REDIC1: variants seen among roughly 807,000 people sequenced by gnomAD.
The protein encoded by REDIC1 is regulator of DNA class I crossover intermediates 1.
the REDIC1 span, among the ~76,000 whole-genome samples, chr12:39,753,311 A>G: frequency 6.6e-6 from 1 of 152,132 alleles, no homozygotes; most frequent in Non-Finnish European, 1.5e-5. Context: ...GGTTAATGTC[A>G]CGGTTTTTGT....
chr12:39,640,480 A>T, the REDIC1 span, among the ~76,000 whole-genome samples: 1 of 151,930 alleles, frequency 6.6e-6, no homozygotes, highest in Non-Finnish European at 1.5e-5. Flanking sequence ...CATATGGCTG[A>T]TATATTAACG....
chr12:39,732,288 TGTG>T, the REDIC1 span, among the ~76,000 whole-genome samples: 2 of 152,230 alleles, frequency 1.3e-5, no homozygotes, highest in Non-Finnish European at 2.9e-5. Flanking sequence ...ATTGCATTCT[TGTG>T]GTGAAATTCA....
chr12:39,745,804 G>C, the REDIC1 span: 1 of 152,114 alleles, frequency 6.6e-6, no homozygotes, highest in South Asian at 2.1e-4. Flanking sequence ...AAGCTTTTTT[G>C]CTGTTGTTAA....
the REDIC1 span, among the ~76,000 whole-genome samples, chr12:39,707,635 A>T: frequency 6.6e-6 from 1 of 151,964 alleles, no homozygotes; most frequent in Admixed American, 6.6e-5. Context: ...TGAATCACTA[A>T]ACAAAATGTG....
chr12:39,670,253 G>T, the REDIC1 span, among the ~76,000 whole-genome samples: 1 of 152,062 alleles, frequency 6.6e-6, no homozygotes, highest in Non-Finnish European at 1.5e-5. Context: ...TGTAATGGTG[G>T]CATCTCAGCT....
the REDIC1 span, among the ~76,000 whole-genome samples, chr12:39,832,059 A>G: frequency 6.6e-6 from 1 of 152,064 alleles, no homozygotes; most frequent in African/African-American, 2.4e-5. Context: ...CCTATTTTTG[A>G]ATGACACTTC....
chr12:39,778,451 G>C, the REDIC1 span, among the ~76,000 whole-genome samples: 8 of 151,410 alleles, frequency 5.3e-5, no homozygotes, highest in African/African-American at 1.7e-4. Context: ...TATATCACAG[G>C]GACGAAGTTA....
the REDIC1 span, among the ~76,000 whole-genome samples, chr12:39,852,698 G>A: frequency 3.3e-5 from 5 of 152,206 alleles, no homozygotes; most frequent in African/African-American, 1.2e-4. Flanking sequence ...AAAAGGATCA[G>A]AGGCTACTCC....
At chr12:39,858,501 T>TTA in the REDIC1 span, among the ~76,000 whole-genome samples, 15 of 152,210 alleles carry the variant, frequency 9.9e-5, no homozygotes, top group Non-Finnish European at 1.9e-4. Context: ...CAGCATAATA[T>TTA]TATATTCACT....
At chr12:39,848,403 G>A in the REDIC1 span, among the ~76,000 whole-genome samples, 1 of 152,102 alleles carries the variant, frequency 6.6e-6, no homozygotes, top group Non-Finnish European at 1.5e-5. Context: ...CATACGTGCA[G>A]CCAAGGAGCA....
chr12:39,733,745 C>T, the REDIC1 span, among the ~76,000 whole-genome samples: 1 of 152,194 alleles, frequency 6.6e-6, no homozygotes, highest in South Asian at 2.1e-4. Context: ...TGGAGGACGC[C>T]TCTGCCACCA....
At chr12:39,847,716 C>A in the REDIC1 span, among the ~76,000 whole-genome samples, 2 of 152,026 alleles carry the variant, frequency 1.3e-5, no homozygotes, top group African/African-American at 2.4e-5. Flanking sequence ...GAGAGAAAGA[C>A]TTCTTCCTTG....
At chr12:39,810,739 T>C in the REDIC1 span, among the ~76,000 whole-genome samples, 1 of 152,250 alleles carries the variant, frequency 6.6e-6, no homozygotes, top group African/African-American at 2.4e-5. Context: ...ATCATATGAT[T>C]TTTCTCTTTT....
the REDIC1 span, among the ~76,000 whole-genome samples, chr12:39,710,010 G>A: frequency 6.6e-6 from 1 of 151,364 alleles, no homozygotes. Flanking sequence ...TTCTGACAGT[G>A]GTCACCCTAA....
chr12:39,655,970 C>G, the REDIC1 span, among the ~76,000 whole-genome samples: 1 of 152,006 alleles, frequency 6.6e-6, no homozygotes, highest in African/African-American at 2.4e-5. Flanking sequence ...AGGTCCTGCC[C>G]CACATCAGGT....
the REDIC1 span, chr12:39,682,559 A>T: frequency 7.3e-7 from 1 of 1,363,990 alleles, no homozygotes; most frequent in Non-Finnish European, 9.8e-7. Context: ...GAGTTTCTAA[A>T]TGCAAATAAT....
At chr12:39,673,453 G>A in the REDIC1 span, among the ~76,000 whole-genome samples, 28 of 152,234 alleles carry the variant, frequency 1.8e-4, no homozygotes, top group African/African-American at 5.8e-4. Context: ...TTTTGTGCTC[G>A]GAACATTTAT....
chr12:39,659,845 C>T, the REDIC1 span, among the ~76,000 whole-genome samples: 7 of 151,866 alleles, frequency 4.6e-5, no homozygotes, highest in African/African-American at 1.7e-4. Context: ...TTTATGGCTG[C>T]TGGACATTTT....
the REDIC1 span, among the ~76,000 whole-genome samples, chr12:39,642,538 C>A: frequency 6.6e-6 from 1 of 151,674 alleles, no homozygotes; most frequent in Non-Finnish European, 1.5e-5. Context: ...ATCTCCCTCA[C>A]TATGGTCTTA....
Sources: gnomAD v4.1 joint callset for allele counts (sites outside exome capture counted in the v4.1 genomes callset) on GRCh38, gnomAD v4.1.1 for gene constraint, MANE v1.5 for transcripts, NCBI Gene and HGNC (gene_info 2026-07-23, HGNC 2026-07-21) for gene names.